FBXL17: variants seen among roughly 807,000 people sequenced by gnomAD.
FBXL17 encodes F-box and leucine rich repeat protein 17.
Under a neutral mutation model 66.2 loss-of-function variants are expected in FBXL17, and 22 were observed. The ratio of observed to expected loss-of-function variants is 0.33; its 90% CI spans 0.24 to 0.47. The LOEUF is 0.47. Ranked by LOEUF, FBXL17 falls within the 20% of genes least tolerant of loss-of-function variation. The probability of loss-of-function intolerance (pLI) is 1.00; values close to 1 mark genes in which losing one functional copy is unlikely to be tolerated. For missense variants in FBXL17, 878 were observed against 948.2 expected (o/e 0.93, Z 0.97); for synonymous variants, 474 against 400.5 (o/e 1.18, Z -2.19).
At chr5:108,180,077 T>C (rs995086393) in intron 6 of FBXL17, among the ~76,000 whole-genome samples, 5 of 152,206 alleles carry the variant, frequency 3.3e-5, no homozygotes, top group African/African-American at 1.2e-4. Context: ...ATGTGAACTA[T>C]ACCAATTTTT....
At chr5:107,972,283 CTT>C (rs1349430903) in intron 7 of FBXL17, among the ~76,000 whole-genome samples, 2 of 152,114 alleles carry the variant, frequency 1.3e-5, no homozygotes, top group Non-Finnish European at 2.9e-5. Context: ...CAAATAAAGT[CTT>C]AATATAAATG....
intron 4 of FBXL17, among the ~76,000 whole-genome samples, chr5:108,304,913 ATACTC>A (rs2150185594): frequency 6.6e-6 from 1 of 152,186 alleles, no homozygotes; most frequent in South Asian, 2.1e-4. Context: ...TAAGGGACCA[ATACTC>A]TACTGTATGT....
chr5:107,992,250 C>CAA (rs947374398), intron 7 of FBXL17, among the ~76,000 whole-genome samples: 1 of 152,026 alleles, frequency 6.6e-6, no homozygotes, highest in Admixed American at 6.6e-5. Flanking sequence ...TAGATTGAGT[C>CAA]AAATTAGGAT....
At chr5:108,204,038 G>A (rs1274621517) in intron 5 of FBXL17, among the ~76,000 whole-genome samples, 2 of 151,870 alleles carry the variant, frequency 1.3e-5, no homozygotes, top group African/African-American at 4.8e-5. Context: ...ACCTTCCTAA[G>A]GAACTCTGTT....
At chr5:108,056,552 G>A (rs1747716329) in intron 6 of FBXL17, among the ~76,000 whole-genome samples, 1 of 152,152 alleles carries the variant, frequency 6.6e-6, no homozygotes, top group Admixed American at 6.5e-5. Flanking sequence ...AATACATAAA[G>A]TAGTCAACCC....
chr5:108,224,266 A>T, intron 4 of FBXL17, 38 bp from the exon 5 acceptor site: 2 of 1,242,034 alleles, frequency 1.6e-6, no homozygotes, highest in Non-Finnish European at 2.3e-6. Context: ...TCAAGGTAAT[A>T]GTCCAGTGAA....
intron 7 of FBXL17, among the ~76,000 whole-genome samples, chr5:107,926,364 CAGGT>C (rs1380203149): frequency 3.3e-5 from 5 of 152,068 alleles, no homozygotes; most frequent in African/African-American, 1.2e-4. Context: ...GATTAAGTAA[CAGGT>C]AGGGCTGCTA....
At chr5:108,058,950 G>A (rs543585850) in intron 6 of FBXL17, among the ~76,000 whole-genome samples, 1 of 152,272 alleles carries the variant, frequency 6.6e-6, no homozygotes, top group South Asian at 2.1e-4. Flanking sequence ...TTCCCAGAAT[G>A]TAGAGACTTT....
At chr5:108,156,906 A>G in intron 6 of FBXL17, among the ~76,000 whole-genome samples, 1 of 151,978 alleles carries the variant, frequency 6.6e-6, no homozygotes, top group South Asian at 2.1e-4. Context: ...AAACAATTAA[A>G]TTAGTGAGGG....
chr5:108,038,109 G>T (rs527333210), intron 6 of FBXL17, among the ~76,000 whole-genome samples: 28 of 152,214 alleles, frequency 1.8e-4, no homozygotes, highest in African/African-American at 6.5e-4. Context: ...TAGGGAACGG[G>T]ATGTTAGTTA....
chr5:108,293,878 T>C (rs2150166598), intron 4 of FBXL17, among the ~76,000 whole-genome samples: 1 of 151,176 alleles, frequency 6.6e-6, no homozygotes, highest in Middle Eastern at 3.4e-3. Flanking sequence ...CCATCTCTAC[T>C]AAAAACACAA....
chr5:108,178,798 A>G (rs978948260), intron 6 of FBXL17, among the ~76,000 whole-genome samples: 17 of 152,290 alleles, frequency 1.1e-4, no homozygotes, highest in African/African-American at 4.1e-4. Context: ...CTTTATTTCC[A>G]AGTTTTCAGG....
At chr5:108,238,696 T>G (rs1451379293) in intron 4 of FBXL17, among the ~76,000 whole-genome samples, 1 of 152,126 alleles carries the variant, frequency 6.6e-6, no homozygotes, top group African/African-American at 2.4e-5. Context: ...TTTTTGCATT[T>G]TTTGTAGAGA....
At chr5:108,016,017 C>T (rs1401077969) in intron 7 of FBXL17, among the ~76,000 whole-genome samples, 3 of 152,118 alleles carry the variant, frequency 2.0e-5, no homozygotes, top group African/African-American at 4.8e-5. Context: ...TAGTACATGG[C>T]CCAGCACACG....
intron 4 of FBXL17, among the ~76,000 whole-genome samples, chr5:108,252,701 T>C (rs1478076562): frequency 6.6e-6 from 1 of 152,144 alleles, no homozygotes; most frequent in African/African-American, 2.4e-5. Flanking sequence ...AGACCATCCT[T>C]GGCTTCAGTT....
chr5:107,882,996 A>T (rs1748840590), intron 7 of FBXL17, among the ~76,000 whole-genome samples: 2 of 152,174 alleles, frequency 1.3e-5, no homozygotes, highest in South Asian at 4.1e-4. Flanking sequence ...TGGTAAAATC[A>T]CTGATGTTTG....
intron 4 of FBXL17, among the ~76,000 whole-genome samples, chr5:108,303,676 T>C (rs1159752720): frequency 6.6e-6 from 1 of 151,958 alleles, no homozygotes; most frequent in Non-Finnish European, 1.5e-5. Context: ...CAGGTATTCT[T>C]ACCTGTGGTC....
At chr5:108,105,857 C>T (rs1388010216) in intron 6 of FBXL17, among the ~76,000 whole-genome samples, 4 of 152,276 alleles carry the variant, frequency 2.6e-5, no homozygotes, top group Admixed American at 2.6e-4. Context: ...TATTTAATAT[C>T]TCTCCTTATT....
chr5:108,309,936 T>C (rs61651364), intron 4 of FBXL17, among the ~76,000 whole-genome samples: 7,581 of 152,156 alleles, frequency 0.05, 629 homozygotes, highest in African/African-American at 0.17. Context: ...ATTCAATAGT[T>C]CAAATAAAAA....
Sources: gnomAD v4.1 joint callset for allele counts (sites outside exome capture counted in the v4.1 genomes callset) on GRCh38, gnomAD v4.1.1 for gene constraint, MANE v1.5 for transcripts, NCBI Gene and HGNC (gene_info 2026-07-23, HGNC 2026-07-21) for gene names.